The following CHST11 variants were observed in gnomAD, a reference collection of about 807,000 sequenced individuals.
CHST11 encodes C4S-1.
Under a neutral mutation model 30.4 loss-of-function variants are expected in CHST11, and 9 were observed. The ratio of observed to expected loss-of-function variants is 0.30; its 90% CI spans 0.18 to 0.52. CHST11 has a LOEUF of 0.52. Ranked by LOEUF, CHST11 falls within the 20% of genes least tolerant of loss-of-function variation. The pLI is 0.97. For missense variants in CHST11, 348 were observed against 460.6 expected (o/e 0.76, Z 2.24); for synonymous variants, 152 against 187.8 (o/e 0.81, Z 1.56).
At chr12:104,673,761 G>A (rs148763792) in intron 2 of CHST11, among the ~76,000 whole-genome samples, 20 of 152,322 alleles carry the variant, frequency 1.3e-4, no homozygotes, top group African/African-American at 4.8e-4. Flanking sequence ...GGAATTTGTT[G>A]CCGTGTGACC....
chr12:104,634,529 C>T (rs1401256255), intron 2 of CHST11, among the ~76,000 whole-genome samples: 3 of 152,234 alleles, frequency 2.0e-5, no homozygotes, highest in African/African-American at 4.8e-5. Context: ...GTGCCCGACA[C>T]GTCTCGCACC....
At chr12:104,487,742 A>G (rs1319933500) in intron 1 of CHST11, among the ~76,000 whole-genome samples, 1 of 138,594 alleles carries the variant, frequency 7.2e-6, no homozygotes, top group East Asian at 2.4e-4. Context: ...TTTTTTTTTT[A>G]AACAAAGTGG....
intron 1 of CHST11, among the ~76,000 whole-genome samples, chr12:104,473,762 A>G (rs1363631341): frequency 1.3e-5 from 2 of 152,074 alleles, no homozygotes; most frequent in Non-Finnish European, 2.9e-5. Flanking sequence ...TCTGGGGGCC[A>G]TTGTGCTTGG....
chr12:104,583,699 C>A (rs1170576756), intron 1 of CHST11, among the ~76,000 whole-genome samples: 2 of 140,858 alleles, frequency 1.4e-5, no homozygotes, highest in African/African-American at 5.3e-5. Flanking sequence ...GCCTTGTGCT[C>A]TCAGTTTTCA....
At chr12:104,707,652 C>T (rs1050247915) in intron 2 of CHST11, among the ~76,000 whole-genome samples, 2 of 152,134 alleles carry the variant, frequency 1.3e-5, no homozygotes, top group African/African-American at 4.8e-5. Flanking sequence ...CCTTTGTTTT[C>T]TATTAGCTGA....
chr12:104,472,764 G>T (rs1039972524), intron 1 of CHST11, among the ~76,000 whole-genome samples: 4 of 152,236 alleles, frequency 2.6e-5, no homozygotes, highest in African/African-American at 7.2e-5. Context: ...GGAGAGGAGG[G>T]TGATTGATTT....
At chr12:104,566,461 C>T (rs1224800416) in intron 1 of CHST11, among the ~76,000 whole-genome samples, 2 of 152,170 alleles carry the variant, frequency 1.3e-5, no homozygotes, top group Non-Finnish European at 2.9e-5. Context: ...AACAGCTGAA[C>T]AAAAACGCTT....
intron 1 of CHST11, among the ~76,000 whole-genome samples, chr12:104,549,938 G>C (rs1251675241): frequency 6.6e-6 from 1 of 152,130 alleles, no homozygotes; most frequent in Non-Finnish European, 1.5e-5. Context: ...GGAAGACATG[G>C]ACCCTGTTTT....
chr12:104,576,240 AT>A (rs529941613), intron 1 of CHST11, among the ~76,000 whole-genome samples: 28 of 152,016 alleles, frequency 1.8e-4, no homozygotes, highest in Non-Finnish European at 3.7e-4. Flanking sequence ...TGCTTTCAAG[AT>A]GTGGAAGCTG....
chr12:104,738,670 T>C lies in CHST11; in HGVS notation c.205-18279T>C, dbSNP rs73183128. On this transcript the variant is annotated intron_variant, in intron 2 of 2. Coordinates refer to ENST00000303694, the MANE Select transcript of CHST11 (RefSeq NM_018413.6). ...AAGCAGGGAGTACTGTTTGGCTCAT[T>C]TTACAGTGAGGAAATAGAGGCTTTA... Among the ~76,000 whole-genome samples the C allele has an allele frequency of 3.3e-3, 509 of 152,290 alleles. 2 individuals carry two copies. The highest frequency in any genetic ancestry group is 4.6e-3 in the Non-Finnish European group (310 of 68,020).
Position 104,458,461 on chromosome 12 carries a change from T to C in CHST11, c.118+932T>C, listed in dbSNP as rs1218906949. ...ATCTGGACTGGGGGAGGGACGAGGC[T>C]CGTCGCTTCCTAGGGGTGCGAGGGA... is the stretch of plus-strand genomic sequence containing the variant. On this transcript the variant is annotated intron_variant, in intron 1 of 2. Transcript: ENST00000303694. The surrounding 1 kb of genome is among the most constrained non-coding windows in gnomAD (Gnocchi z 5.7). 6.6e-6 allele frequency among the ~76,000 whole-genome samples: 1 copy of C among 152,116 alleles called. No homozygotes were observed. The highest frequency in any genetic ancestry group is 2.1e-4 in the South Asian group (1 of 4,838).
chr12:104,468,160 C>T (rs1364714082), intron 1 of CHST11, among the ~76,000 whole-genome samples: 1 of 146,690 alleles, frequency 6.8e-6, no homozygotes, highest in African/African-American at 2.5e-5. Flanking sequence ...TGTGAAGTGG[C>T]AGTGGTGGGG....
intron 1 of CHST11, among the ~76,000 whole-genome samples, chr12:104,530,581 C>G (rs1319169131): frequency 1.3e-5 from 2 of 152,216 alleles, no homozygotes; most frequent in Non-Finnish European, 1.5e-5. Flanking sequence ...CATTGACATA[C>G]TACAGGAAAA....
At chr12:104,620,761 A>AT (rs1375375361) in intron 2 of CHST11, among the ~76,000 whole-genome samples, 1 of 152,206 alleles carries the variant, frequency 6.6e-6, no homozygotes, top group Non-Finnish European at 1.5e-5. Flanking sequence ...AGCATAGAAC[A>AT]TTGTGACTTT....
At chr12:104,669,432 C>T (rs1000591237) in intron 2 of CHST11, among the ~76,000 whole-genome samples, 6 of 152,038 alleles carry the variant, frequency 3.9e-5, no homozygotes, top group African/African-American at 1.4e-4. Context: ...TTTTTTTCCC[C>T]CTTGAAAAGG....
intron 1 of CHST11, among the ~76,000 whole-genome samples, chr12:104,555,413 GTGACCTGAGAAGATACTTCA>G (rs1257144491): frequency 6.6e-6 from 1 of 152,230 alleles, no homozygotes; most frequent in Non-Finnish European, 1.5e-5. Flanking sequence ...GTAATCTGGA[GTGACCTGAGAAGATACTTCA>G]TTCGTCTTCT....
At position 104,757,711 on chromosome 12, in the gene CHST11, A is replaced by G; in HGVS notation, c.967A>G (p.Ser323Gly). Residue 323 changes from serine to glycine, a missense_variant, in exon 3 of 3, where the codon AGC (serine) becomes GGC (glycine). Physicochemically the swap from Ser to Gly is moderately conservative, Grantham distance 56 (BLOSUM62 0). Transcript: ENST00000303694. The surrounding 1 kb of genome is among the most constrained non-coding windows in gnomAD (Gnocchi z 6.5). ...GACCACAGAATTCTTCCAGAACATC[A>G]GCTCAGAGCACCAAACGCAGCTGTA... ...EMTTEFFQNI[S>G]SEHQTQLYEV... 6.2e-7 allele frequency: 1 copy of G among 1,614,240 alleles called. No individual in the cohort carries two copies. Among genetic ancestry groups the G allele is most frequent in the African/African-American group, 1.3e-5 (1 of 75,062 alleles).
intron 2 of CHST11, among the ~76,000 whole-genome samples, chr12:104,721,620 A>T (rs2040177727): frequency 6.6e-6 from 1 of 152,190 alleles, no homozygotes; most frequent in Admixed American, 6.5e-5. Context: ...ATGGGGTGTG[A>T]CTACTGTCCT....
At chr12:104,684,256 GTGGATGGATGGATGGATGGATGGA>G in intron 2 of CHST11, among the ~76,000 whole-genome samples, 1 of 148,042 alleles carries the variant, frequency 6.8e-6, no homozygotes, top group South Asian at 2.2e-4. Context: ...GGTACAAAAT[GTGGATGGATGGATGGATGGATGGA>G]TGGATGGATG....
Sources: gnomAD v4.1 joint callset for allele counts (sites outside exome capture counted in the v4.1 genomes callset) on GRCh38, gnomAD v4.1.1 for gene constraint, Gnocchi (gnomAD v3.1) non-coding constraint, MANE v1.5 for transcripts, NCBI Gene and HGNC (gene_info 2026-07-23, HGNC 2026-07-21) for gene names.